Variants in GBF1 observed in about 807,000 individuals in gnomAD.
GBF1 encodes the protein Golgi-specific brefeldin A-resistance guanine nucleotide exchange factor 1.
GBF1 carries 114 observed loss-of-function variants against 210.5 expected under a neutral mutation model. The ratio of observed to expected loss-of-function variants is 0.54; its 90% CI spans 0.47 to 0.63. GBF1 has a LOEUF of 0.63. Ranked by LOEUF, GBF1 falls within the 30% of genes least tolerant of loss-of-function variation. GBF1 has a pLI of 0.00. For missense variants in GBF1, 1,851 were observed against 2,357.7 expected (o/e 0.79, Z 4.45); for synonymous variants, 850 against 889.2 (o/e 0.96, Z 0.78).
the GBF1 span, among the ~76,000 whole-genome samples, chr10:102,239,983 G>A: frequency 6.6e-4 from 101 of 152,316 alleles, no homozygotes; most frequent in Middle Eastern, 6.8e-3. Context: ...TCCCACCTCC[G>A]CTCAGCCACC....
At chr10:102,338,604 A>G (rs1042573788) in intron 3 of GBF1, among the ~76,000 whole-genome samples, 1 of 151,802 alleles carries the variant, frequency 6.6e-6, no homozygotes, top group African/African-American at 2.4e-5. Context: ...GGCTATTGAT[A>G]GGAGTGAGAC....
chr10:102,270,108 G>C (rs1451936114), intron 3 of GBF1, among the ~76,000 whole-genome samples: 2 of 151,772 alleles, frequency 1.3e-5, no homozygotes, highest in South Asian at 4.2e-4. Flanking sequence ...TTGATCTCCT[G>C]ACCTCATGAT....
At chr10:102,331,075 A>G (rs891339997) in intron 3 of GBF1, among the ~76,000 whole-genome samples, 5 of 152,140 alleles carry the variant, frequency 3.3e-5, no homozygotes. Context: ...GCTCTGAGAT[A>G]CACATGCTGT....
At chr10:102,270,351 G>T (rs1354057486) in intron 3 of GBF1, among the ~76,000 whole-genome samples, 1 of 151,582 alleles carries the variant, frequency 6.6e-6, no homozygotes, top group African/African-American at 2.4e-5. Flanking sequence ...TGTATTTTTG[G>T]TAGAGACAGG....
At chr10:102,376,869 G>A in intron 32 of GBF1, 66 bp from the exon 33 acceptor site, 2 of 1,608,744 alleles carry the variant, frequency 1.2e-6, no homozygotes, top group Non-Finnish European at 8.5e-7. Context: ...GCTGAGAGGG[G>A]AGAAAAGGCA....
Position 102,361,117 on chromosome 10 carries a change from G to T in GBF1, c.1488G>T (p.Met496Ile). ...TGCGAGAGCACCTCAAGTTCCAAATGGAGGTGAGTTTCTTGATGTGGAAAG... is the reference window on the plus strand; with the variant it reads ...TGCGAGAGCACCTCAAGTTCCAAATTGAGGTGAGTTTCTTGATGTGGAAAG... ...ESMREHLKFQ[M>I]EMYIKKLMEI... The change falls in exon 13 of 40, where the codon ATG (methionine) becomes ATT (isoleucine). Residue 496 changes from methionine (M) to isoleucine (I), a missense_variant. By Grantham distance (10) the Met-to-Ile change is conservative (BLOSUM62 1). Coordinates refer to ENST00000369983, the MANE Select transcript of GBF1 (RefSeq NM_001377137.1). 2.0e-6 allele frequency: 3 copies of T among 1,526,044 alleles called. No individual in the cohort carries two copies. The highest frequency in any genetic ancestry group is 1.1e-5 in the South Asian group (1 of 89,398). 94.5% of individuals were successfully genotyped at this position (1,526,044 alleles called of 1,614,324 possible).
intron 3 of GBF1, among the ~76,000 whole-genome samples, chr10:102,268,642 C>T (rs549229124): frequency 6.6e-6 from 1 of 152,152 alleles, no homozygotes; most frequent in East Asian, 1.9e-4. Flanking sequence ...TCCACCCATT[C>T]AAACTCAGGA....
chr10:102,306,264 T>A (rs1028380766), intron 3 of GBF1, among the ~76,000 whole-genome samples: 6 of 152,174 alleles, frequency 3.9e-5, no homozygotes, highest in African/African-American at 1.4e-4. Context: ...TTCCCCTTAA[T>A]TCAGTTTTAA....
At chr10:102,308,245 G>T (rs868141621) in intron 3 of GBF1, among the ~76,000 whole-genome samples, 1 of 138,488 alleles carries the variant, frequency 7.2e-6, no homozygotes, top group Non-Finnish European at 1.6e-5. Flanking sequence ...ATCTCCATCA[G>T]AAATAAAATG....
chr10:102,290,027 C>G lies in GBF1; in HGVS notation c.163+29911C>G, dbSNP rs149534061. On this transcript the variant is annotated intron_variant, in intron 3 of 39. Transcript: ENST00000369983. ...TCAGGAGGCTGTGACAGGAGGATTG[C>G]TTGAGCCCAGGAGGTCAAGACTTCA... Among the ~76,000 whole-genome samples, 1,284 of 152,214 alleles carry G rather than the reference C, an allele frequency of 8.4e-3. 57 individuals are homozygous for G. The highest frequency in any genetic ancestry group is 0.073 in the Admixed American group (1,117 of 15,288).
chr10:102,330,732 T>A (rs1252796218), intron 3 of GBF1, among the ~76,000 whole-genome samples: 2 of 152,020 alleles, frequency 1.3e-5, no homozygotes, highest in South Asian at 4.2e-4. Flanking sequence ...GTTGCTGATG[T>A]CTGAGGCAAA....
In GBF1 at chr10:102,369,958, A is replaced by G. The variant is rs1269243770; in HGVS notation, c.3313A>G (p.Lys1105Glu). Residue 1105 changes from lysine to glutamate, a missense_variant, in exon 26 of 40, where the codon AAG (lysine) becomes GAG (glutamate). Lys to Glu is a moderately conservative substitution (Grantham distance 56). This residue lies in a region of GBF1 where 967 missense variants were observed against 1,247.7 expected (regional missense o/e 0.78). Transcript: ENST00000369983. ...RGPSTENQEAKRVALECIKQC... is the reference protein window; with the variant it reads ...RGPSTENQEAERVALECIKQC... ...CCCATCCACTGAAAACCAAGAGGCC[A>G]AGAGAGTGGCCTTAGAGTGTATAAA... 5 of 1,614,180 alleles carry G rather than the reference A, an allele frequency of 3.1e-6. No homozygotes were observed. In the South Asian group the frequency reaches 5.5e-5, roughly 18 times the overall value.
At chr10:102,233,594 A>C in the GBF1 span, among the ~76,000 whole-genome samples, 1 of 152,034 alleles carries the variant, frequency 6.6e-6, no homozygotes, top group South Asian at 2.1e-4. Flanking sequence ...GTGAGCCACC[A>C]TGCCCAGCCT....
intron 7 of GBF1, among the ~76,000 whole-genome samples, chr10:102,352,893 G>C (rs1038868102): frequency 1.3e-5 from 2 of 152,124 alleles, no homozygotes; most frequent in Admixed American, 6.5e-5. Context: ...TGAATTGCCT[G>C]GGACTGTCCT....
intron 3 of GBF1, among the ~76,000 whole-genome samples, chr10:102,297,126 A>G (rs1363117511): frequency 6.6e-6 from 1 of 152,224 alleles, no homozygotes; most frequent in Non-Finnish European, 1.5e-5. Context: ...AGGACTGGAA[A>G]AATGAACCCC....
intron 4 of GBF1, among the ~76,000 whole-genome samples, chr10:102,346,149 A>G (rs1399944106): frequency 6.6e-6 from 1 of 151,604 alleles, no homozygotes; most frequent in Admixed American, 6.6e-5. Flanking sequence ...CGCCCGGCTA[A>G]TTTTTGTATT....
chr10:102,306,928 G>C (rs2077933893), intron 3 of GBF1, among the ~76,000 whole-genome samples: 1 of 152,172 alleles, frequency 6.6e-6, no homozygotes, highest in African/African-American at 2.4e-5. Flanking sequence ...CTGACATTTT[G>C]ATGGCCACAT....
chr10:102,366,584 CTTTTTTTT>C lies in GBF1; in HGVS notation c.2433+91_2433+98del, dbSNP rs397968996. On this transcript the variant is annotated intron_variant, in intron 19 of 39. Coordinates refer to ENST00000369983, the MANE Select transcript of GBF1 (RefSeq NM_001377137.1). This position sits in a 1 kb window ranked among gnomAD's most constrained non-coding sequence, Gnocchi z 4.0. ...GGGCTGAAGAATCCAGCTGCTGTCT[CTTTTTTTT>C]TTTTTTTTTTTTGAGACAGAGTCTC... 47 of 642,644 alleles carry C rather than the reference CTTTTTTTT, an allele frequency of 7.3e-5. No homozygotes were observed. The highest frequency in any genetic ancestry group is 2.5e-4 in the South Asian group (12 of 47,120). 39.8% of individuals were successfully genotyped at this position (642,644 alleles called of 1,614,324 possible).
intron 3 of GBF1, among the ~76,000 whole-genome samples, chr10:102,297,666 G>A (rs751698971): frequency 3.9e-5 from 6 of 152,212 alleles, no homozygotes; most frequent in South Asian, 2.1e-4. Context: ...AATGGAAGCA[G>A]AAGGGAAAGA....
Sources: allele counts gnomAD v4.1 joint callset (sites outside exome capture counted in the v4.1 genomes callset), GRCh38; gene constraint gnomAD v4.1.1; regional missense constraint gnomAD v4.1.1; non-coding constraint Gnocchi (gnomAD v3.1); transcripts MANE v1.5; gene names NCBI Gene and HGNC (gene_info 2026-07-23, HGNC 2026-07-21).